The following CSMD1 variants were observed in gnomAD, a reference collection of about 807,000 sequenced individuals.
The protein encoded by CSMD1 is CUB and sushi domain-containing protein 1.
In CSMD1, 213 loss-of-function variants were observed where a neutral mutation model predicts 417.5. The ratio of observed to expected loss-of-function variants is 0.51; its 90% CI spans 0.46 to 0.57. The LOEUF (loss-of-function observed/expected upper bound fraction) is 0.57, where lower values mean the gene tolerates loss of function less well. Ranked by LOEUF, CSMD1 falls within the 20% of genes least tolerant of loss-of-function variation. The pLI is 0.00. For missense variants in CSMD1, 6,923 were observed against 4,529.7 expected, an observed-to-expected ratio of 1.53 and a Z score of -15.17; for synonymous variants, 2,862 against 1,736.8, an observed-to-expected ratio of 1.65 and a Z score of -16.11.
rs182552890 is a variant in CSMD1 at position 4,949,696 on chromosome 8, A to C, written c.85+44636T>G. Reference sequence around the variant, plus strand: ...AAATACTGCATTAGTTATTATGAGAATTTTAATGGGATCATTTGGGTTACA... The same window carrying C: ...AAATACTGCATTAGTTATTATGAGACTTTTAATGGGATCATTTGGGTTACA... On this transcript the variant is annotated intron_variant, in intron 1 of 69. Coordinates refer to ENST00000635120, the MANE Select transcript of CSMD1 (RefSeq NM_033225.6). Among the ~76,000 whole-genome samples, 118 of 152,298 alleles carry C rather than the reference A, an allele frequency of 7.7e-4. 1 individual carries two copies. The highest frequency in any genetic ancestry group is 3.4e-3 in the Middle Eastern group (1 of 294).
At chr8:3,524,284 C>T (rs1231113262) in intron 10 of CSMD1, among the ~76,000 whole-genome samples, 2 of 150,766 alleles carry the variant, frequency 1.3e-5, no homozygotes, top group Non-Finnish European at 3.0e-5. Flanking sequence ...CGCACATATA[C>T]ATGCACACAC....
intron 47 of CSMD1, among the ~76,000 whole-genome samples, chr8:3,092,243 T>C (rs1384647955): frequency 2.0e-5 from 3 of 152,160 alleles, no homozygotes; most frequent in Admixed American, 6.5e-5. Flanking sequence ...ATTAGATTCA[T>C]ACAGCATTAA....
At chr8:4,301,532 T>G (rs897917675) in intron 3 of CSMD1, among the ~76,000 whole-genome samples, 2 of 152,230 alleles carry the variant, frequency 1.3e-5, no homozygotes, top group East Asian at 3.9e-4. Context: ...GAAGCTGATC[T>G]GGGTGCAATG....
intron 63 of CSMD1, among the ~76,000 whole-genome samples, chr8:2,957,180 C>A (rs1185286097): frequency 2.6e-5 from 4 of 152,034 alleles, no homozygotes; most frequent in African/African-American, 9.7e-5. Flanking sequence ...TTTGAATGAT[C>A]AATTCATATA....
chr8:3,254,703 C>T (rs543306467), intron 26 of CSMD1, among the ~76,000 whole-genome samples: 5 of 152,282 alleles, frequency 3.3e-5, no homozygotes, highest in South Asian at 4.2e-4. Context: ...AGTTCTCGAG[C>T]CTTGGTTTTC....
intron 52 of CSMD1, among the ~76,000 whole-genome samples, chr8:3,007,882 T>G (rs886962069): frequency 1.3e-5 from 2 of 151,778 alleles, no homozygotes; most frequent in African/African-American, 4.8e-5. Flanking sequence ...GTAACCAACC[T>G]GCACAATGTG....
intron 50 of CSMD1, among the ~76,000 whole-genome samples, chr8:3,039,647 C>T (rs1440187889): frequency 6.6e-6 from 1 of 152,036 alleles, no homozygotes; most frequent in Admixed American, 6.6e-5. Context: ...GATTATAAGC[C>T]CTAAATGACC....
intron 26 of CSMD1, among the ~76,000 whole-genome samples, chr8:3,273,979 G>T (rs1258887064): frequency 6.6e-6 from 1 of 151,336 alleles, no homozygotes; most frequent in Non-Finnish European, 1.5e-5. Context: ...GCTTTTGAAT[G>T]TGTTTGCTCT....
intron 7 of CSMD1, among the ~76,000 whole-genome samples, chr8:3,677,916 G>C (rs77133810): frequency 0.015 from 2,278 of 152,210 alleles, 48 homozygotes; most frequent in African/African-American, 0.049. Flanking sequence ...TAATAGAGCT[G>C]TTTGTATTAG....
chr8:4,397,166 G>C (rs1194725132), intron 3 of CSMD1, among the ~76,000 whole-genome samples: 3 of 152,032 alleles, frequency 2.0e-5, no homozygotes, highest in East Asian at 3.9e-4. Flanking sequence ...CTACGTCCAT[G>C]CATGATGATC....
chr8:4,638,413 A>G (rs1802977481), intron 1 of CSMD1, among the ~76,000 whole-genome samples: 1 of 152,222 alleles, frequency 6.6e-6, no homozygotes, highest in African/African-American at 2.4e-5. Flanking sequence ...TAACATATGC[A>G]TAAAGGAAGC....
At chr8:4,430,543 C>G (rs1350297924) in intron 2 of CSMD1, among the ~76,000 whole-genome samples, 3 of 152,122 alleles carry the variant, frequency 2.0e-5, no homozygotes, top group Non-Finnish European at 2.9e-5. Flanking sequence ...AGACACTACT[C>G]TCTAATAAAA....
intron 3 of CSMD1, among the ~76,000 whole-genome samples, chr8:4,203,482 A>G (rs1441246518): frequency 1.3e-5 from 2 of 152,196 alleles, no homozygotes; most frequent in African/African-American, 4.8e-5. Context: ...TGAAGAAAAC[A>G]TGTTTATTCT....
intron 42 of CSMD1, among the ~76,000 whole-genome samples, chr8:3,115,282 A>G (rs1428088293): frequency 7.1e-6 from 1 of 141,260 alleles, no homozygotes; most frequent in Non-Finnish European, 1.5e-5. Flanking sequence ...GCTCACTGCA[A>G]CCTCCGCCTT....
intron 1 of CSMD1, among the ~76,000 whole-genome samples, chr8:4,960,713 G>T (rs568954672): frequency 2.0e-5 from 3 of 151,874 alleles, no homozygotes; most frequent in African/African-American, 4.8e-5. Flanking sequence ...GTTTTAGTCC[G>T]GTAGTTTCCT....
chr8:4,812,444 A>C (rs1798961847), intron 1 of CSMD1, among the ~76,000 whole-genome samples: 1 of 152,180 alleles, frequency 6.6e-6, no homozygotes, highest in South Asian at 2.1e-4. Context: ...TAAAAAGAGT[A>C]CTTGAAACGT....
chr8:4,088,518 C>G (rs962120152), intron 3 of CSMD1, among the ~76,000 whole-genome samples: 2 of 152,170 alleles, frequency 1.3e-5, no homozygotes, highest in Non-Finnish European at 2.9e-5. Context: ...CAACCCATGT[C>G]ACTGGTTAGG....
At chr8:4,363,237 T>C (rs1456295601) in intron 3 of CSMD1, among the ~76,000 whole-genome samples, 1 of 152,180 alleles carries the variant, frequency 6.6e-6, no homozygotes, top group Non-Finnish European at 1.5e-5. Flanking sequence ...GGTCAGTGTT[T>C]CTCAATTTTC....
rs755840902 is a variant in CSMD1, at chr8:3,107,755, C to A, written c.6798G>T (p.Gln2266His). ...CATCATCCTCAGTAAGCATTTCTGCCTGTGGAACCGCTGGGGGAGGTTGAC... is the reference window on the plus strand; with the variant it reads ...CATCATCCTCAGTAAGCATTTCTGCATGTGGAACCGCTGGGGGAGGTTGAC... ...KKCQPPPAVPQAEMLTEDDDF... is the reference protein window; with the variant it reads ...KKCQPPPAVPHAEMLTEDDDF... Residue 2266 changes from glutamine to histidine, a missense_variant, in exon 45 of 70, where the codon CAG becomes CAT. Coordinates refer to ENST00000635120, the MANE Select transcript of CSMD1 (RefSeq NM_033225.6). 6.3e-7 allele frequency: 1 copy of A among 1,593,080 alleles called. No individual in the cohort carries two copies. The highest frequency in any genetic ancestry group is 8.5e-7 in the Non-Finnish European group (1 of 1,172,974).
Sources: allele counts gnomAD v4.1 joint callset (sites outside exome capture counted in the v4.1 genomes callset), GRCh38; gene constraint gnomAD v4.1.1; transcripts MANE v1.5; gene names NCBI Gene and HGNC (gene_info 2026-07-23, HGNC 2026-07-21).